Variants in JARID2 observed in about 807,000 individuals in gnomAD.
The protein encoded by JARID2 is jumonji and AT-rich interaction domain containing 2.
JARID2 carries 21 observed loss-of-function variants against 125.6 expected under a neutral mutation model. The observed-to-expected ratio is 0.17, with a 90% CI of 0.12 to 0.24. JARID2 has a LOEUF of 0.24. JARID2 is among the 10% of genes least tolerant of loss of function. The pLI is 1.00. For synonymous variants in JARID2, 736 were observed against 661.6 expected (o/e 1.11, Z -1.73); for missense variants, 1,303 against 1,639.6 (o/e 0.79, Z 3.55).
At chr6:15,332,832 T>A (rs1762751793) in intron 1 of JARID2, among the ~76,000 whole-genome samples, 1 of 152,208 alleles carries the variant, frequency 6.6e-6, no homozygotes, top group African/African-American at 2.4e-5. Flanking sequence ...TCCTTGTTTC[T>A]TAAGGTTCTT....
At chr6:15,321,446 G>A (rs761025744) in intron 1 of JARID2, among the ~76,000 whole-genome samples, 3 of 152,122 alleles carry the variant, frequency 2.0e-5, no homozygotes, top group Non-Finnish European at 4.4e-5. Context: ...TAACAATTTT[G>A]TAAACCTTTT....
chr6:15,327,883 C>T (rs930226048), intron 1 of JARID2, among the ~76,000 whole-genome samples: 6 of 152,160 alleles, frequency 3.9e-5, no homozygotes, highest in African/African-American at 1.2e-4. Flanking sequence ...TCATCCCCCA[C>T]TTAGATGCAT....
chr6:15,279,001 G>C (rs1286787075), intron 1 of JARID2, among the ~76,000 whole-genome samples: 1 of 151,646 alleles, frequency 6.6e-6, no homozygotes, highest in East Asian at 1.9e-4. Flanking sequence ...TGAGGCATGA[G>C]AATCACTTGA....
chr6:15,323,778 C>T (rs1012601240), intron 1 of JARID2, among the ~76,000 whole-genome samples: 48 of 152,134 alleles, frequency 3.2e-4, no homozygotes, highest in African/African-American at 1.1e-3. Flanking sequence ...GCCTGTAATC[C>T]CAGCTACTCT....
At chr6:15,320,544 T>C (rs940793037) in intron 1 of JARID2, among the ~76,000 whole-genome samples, 1 of 152,180 alleles carries the variant, frequency 6.6e-6, no homozygotes, top group Non-Finnish European at 1.5e-5. Context: ...TGATTTGTAG[T>C]TTATTTTGAA....
At chr6:15,437,646 A>G (rs1372310465) in intron 3 of JARID2, among the ~76,000 whole-genome samples, 2 of 152,154 alleles carry the variant, frequency 1.3e-5, no homozygotes, top group African/African-American at 4.8e-5. Context: ...ACAGGGAAAA[A>G]AAAAACAGAT....
intron 1 of JARID2, among the ~76,000 whole-genome samples, chr6:15,260,323 T>C (rs1280957315): frequency 6.6e-6 from 1 of 152,186 alleles, no homozygotes; most frequent in Admixed American, 6.5e-5. Flanking sequence ...TCTTTAAAAA[T>C]GTTTTGAAAT....
In JARID2 at chr6:15,521,643, T is replaced by C. The variant is rs958779814; in HGVS notation, c.*1392T>C. On this transcript the variant is annotated 3_prime_UTR_variant, in exon 18 of 18. Coordinates refer to ENST00000341776, the MANE Select transcript of JARID2 (RefSeq NM_004973.4). ...GGGAAACTGTTTTCACAAGCTGTTC[T>C]TTGTTTCATAATTGGATTCATCAAT... 3 of 152,266 alleles carry C rather than the reference T, an allele frequency of 2.0e-5. No homozygotes were observed. Among genetic ancestry groups the C allele is most frequent in the Non-Finnish European group, 4.4e-5 (3 of 68,044 alleles). The allele number at this position is 152,266 out of a possible 1,614,324, so 9.4% of individuals were successfully genotyped here.
intron 3 of JARID2, among the ~76,000 whole-genome samples, chr6:15,443,033 G>T (rs1054839844): frequency 2.0e-5 from 3 of 151,508 alleles, no homozygotes; most frequent in Non-Finnish European, 4.4e-5. Flanking sequence ...TATTATCTTC[G>T]ATTTTTTAAT....
At chr6:15,519,966 G>A (rs1251199478) in intron 17 of JARID2, 103 bp from the exon 18 acceptor site, 1 of 834,966 alleles carries the variant, frequency 1.2e-6, no homozygotes, top group Non-Finnish European at 1.8e-6. Context: ...GTGGTGAAGG[G>A]GACCGCTGCC....
chr6:15,504,604 G>C lies in JARID2; in HGVS notation c.2541+12G>C. Reference sequence around the variant, plus strand: ...CAGCCGAAATCGAGGTGAGAGAAGGGGCCCCTCACGCTGCCTCTCATGGTG... The same window carrying C: ...CAGCCGAAATCGAGGTGAGAGAAGGCGCCCCTCACGCTGCCTCTCATGGTG... On this transcript the variant is annotated intron_variant, in intron 9 of 17. Coordinates refer to ENST00000341776, the MANE Select transcript of JARID2 (RefSeq NM_004973.4). 1 of 1,580,630 alleles carries C rather than the reference G, an allele frequency of 6.3e-7. No homozygotes were observed. Among genetic ancestry groups the C allele is most frequent in the Non-Finnish European group, 8.7e-7 (1 of 1,149,490 alleles).
chr6:15,379,763 G>A (rs989375230), intron 2 of JARID2, among the ~76,000 whole-genome samples: 18 of 152,120 alleles, frequency 1.2e-4, no homozygotes, highest in African/African-American at 4.1e-4. Flanking sequence ...TATAGGTGAG[G>A]AAACTATATA....
At position 15,520,187 on chromosome 6, in the gene JARID2, T is replaced by G; in HGVS notation, c.3677T>G (p.Val1226Gly). 6.2e-7 allele frequency: 1 copy of G among 1,613,826 alleles called. No individual in the cohort carries two copies. Among genetic ancestry groups the G allele is most frequent in the Non-Finnish European group, 8.5e-7 (1 of 1,179,884 alleles). ...PKRGPRKRAT[V>G]DVPPSRLSAS... is the part of the protein sequence containing the mutation. Reference sequence around the variant, plus strand: ...AGAGGTCCCCGCAAGAGAGCGACAGTGGACGTGCCCCCCTCCCGTCTGTCA... The same window carrying G: ...AGAGGTCCCCGCAAGAGAGCGACAGGGGACGTGCCCCCCTCCCGTCTGTCA... The change falls in exon 18 of 18, where the codon GTG becomes GGG. Residue 1226 changes from valine (V) to glycine (G), a missense_variant. Val to Gly is a moderately radical substitution (Grantham distance 109). This residue lies in a region of JARID2 where 75 missense variants were observed against 66.0 expected (regional missense o/e 1.14). Transcript: ENST00000341776.
intron 1 of JARID2, among the ~76,000 whole-genome samples, chr6:15,285,695 G>A (rs1021700612): frequency 1.3e-5 from 2 of 152,024 alleles, no homozygotes; most frequent in South Asian, 4.1e-4. Context: ...CCCAATAAAC[G>A]AGGTTAGAGG....
chr6:15,299,742 A>G (rs1242595305), intron 1 of JARID2, among the ~76,000 whole-genome samples: 1 of 152,136 alleles, frequency 6.6e-6, no homozygotes, highest in African/African-American at 2.4e-5. Flanking sequence ...TTTGGCCGGA[A>G]GCTACTCAGG....
intron 1 of JARID2, among the ~76,000 whole-genome samples, chr6:15,332,466 T>G (rs1762740490): frequency 6.6e-6 from 1 of 152,252 alleles, no homozygotes; most frequent in African/African-American, 2.4e-5. Flanking sequence ...ACAGCTTTAT[T>G]ATGTAGAAGG....
intron 3 of JARID2, among the ~76,000 whole-genome samples, chr6:15,444,566 G>A (rs1018731974): frequency 6.6e-6 from 1 of 151,980 alleles, no homozygotes; most frequent in African/African-American, 2.4e-5. Context: ...TGTGTGTCTG[G>A]GGGGCGAATG....
chr6:15,515,471 C>T (rs1019880374), intron 16 of JARID2, among the ~76,000 whole-genome samples: 1 of 152,162 alleles, frequency 6.6e-6, no homozygotes, highest in African/African-American at 2.4e-5. Context: ...CCTGGCATTT[C>T]CTGTCAGCCT....
At position 15,452,296 on chromosome 6, in the gene JARID2, T is replaced by A; in HGVS notation, c.493+121T>A. 3 of 1,409,312 alleles carry A rather than the reference T, an allele frequency of 2.1e-6. No homozygotes were observed. The East Asian group carries it at 7.3e-5, about 34-fold the overall frequency. The allele number at this position is 1,409,312 out of a possible 1,614,324, so 87.3% of individuals were successfully genotyped here. On this transcript the variant is annotated intron_variant, in intron 4 of 17. Coordinates refer to ENST00000341776, the MANE Select transcript of JARID2 (RefSeq NM_004973.4). ...TCATTTTTCTGTCCCCAACCTGGGT[T>A]GAGGGGGAATTGAAAGTGAGAAATC...
Sources: gnomAD v4.1 joint callset for allele counts (sites outside exome capture counted in the v4.1 genomes callset) on GRCh38, gnomAD v4.1.1 for gene constraint, gnomAD v4.1.1 regional missense constraint, MANE v1.5 for transcripts, NCBI Gene and HGNC (gene_info 2026-07-23, HGNC 2026-07-21) for gene names.